PATJ: variants seen among roughly 807,000 people sequenced by gnomAD.
PATJ encodes inaD-like protein.
A neutral mutation model predicts 224.9 loss-of-function variants in PATJ; 190 were observed. The observed-to-expected ratio is 0.84, with a 90% confidence interval of 0.75 to 0.95. The LOEUF (loss-of-function observed/expected upper bound fraction) is 0.95, where lower values mean the gene tolerates loss of function less well. PATJ is among the 40% of genes least tolerant of loss of function. PATJ has a pLI of 0.00. For synonymous variants in PATJ, 769 were observed against 820.3 expected (o/e 0.94, Z 1.07); for missense variants, 2,121 against 2,270.3 (o/e 0.93, Z 1.34).
intron 14 of PATJ, among the ~76,000 whole-genome samples, chr1:61,822,554 A>G (rs939812996): frequency 2.0e-5 from 3 of 152,100 alleles, no homozygotes; most frequent in African/African-American, 7.2e-5. Flanking sequence ...GCTTCCTGCC[A>G]TGGTATTTAG....
chr1:62,045,779 TAGA>T (rs1417383784), intron 30 of PATJ, among the ~76,000 whole-genome samples: 1 of 152,268 alleles, frequency 6.6e-6, no homozygotes, highest in South Asian at 2.1e-4. Context: ...ACTCGTGCCT[TAGA>T]AATCACGCTG....
intron 21 of PATJ, among the ~76,000 whole-genome samples, chr1:61,880,612 T>G (rs183531842): frequency 1.0e-3 from 153 of 152,340 alleles, no homozygotes; most frequent in African/African-American, 3.4e-3. Context: ...TCCACAATCT[T>G]GATAAGAGCA....
At chr1:61,902,294 C>T (rs1032431130) in intron 24 of PATJ, among the ~76,000 whole-genome samples, 3 of 150,850 alleles carry the variant, frequency 2.0e-5, no homozygotes, top group Admixed American at 1.3e-4. Context: ...CATTTCTTTG[C>T]ATTGGGTTAA....
intron 26 of PATJ, among the ~76,000 whole-genome samples, chr1:61,921,148 C>T (rs1557878738): frequency 6.6e-6 from 1 of 152,106 alleles, no homozygotes. Context: ...ACAGATTTCA[C>T]CCCATTAGGA....
intron 31 of PATJ, chr1:62,073,449 T>C: frequency 2.8e-6 from 1 of 357,684 alleles, no homozygotes; most frequent in South Asian, 1.1e-4. Context: ...ATAGCAAGTC[T>C]GCTAAAAATA....
intron 27 of PATJ, among the ~76,000 whole-genome samples, chr1:61,984,161 A>T (rs1553231335): frequency 0.022 from 2,905 of 129,568 alleles, 117 homozygotes; most frequent in African/African-American, 0.075. Flanking sequence ...TATTATTATT[A>T]TTATTTTTTT....
At chr1:62,005,162 A>G (rs1226334399) in intron 28 of PATJ, among the ~76,000 whole-genome samples, 2 of 150,630 alleles carry the variant, frequency 1.3e-5, no homozygotes, top group East Asian at 3.9e-4. Flanking sequence ...TTTGAGACAT[A>G]GTTTCACCTG....
intron 28 of PATJ, among the ~76,000 whole-genome samples, chr1:62,008,928 C>T (rs1239625316): frequency 6.6e-6 from 1 of 152,050 alleles, no homozygotes; most frequent in Non-Finnish European, 1.5e-5. Flanking sequence ...GATAGTTCTT[C>T]CCACCATTGT....
chr1:62,159,340 C>A (rs570792890), intron 43 of PATJ, among the ~76,000 whole-genome samples: 1 of 151,750 alleles, frequency 6.6e-6, no homozygotes, highest in Non-Finnish European at 1.5e-5. Flanking sequence ...TACAGGCATG[C>A]GCCATCACAT....
intron 3 of PATJ, among the ~76,000 whole-genome samples, chr1:61,765,430 G>T (rs1264091065): frequency 6.6e-6 from 1 of 151,458 alleles, no homozygotes; most frequent in Non-Finnish European, 1.5e-5. Flanking sequence ...TGTCATCCAG[G>T]CTGAGTGCAG....
At chr1:62,064,450 A>G (rs1454737132) in intron 31 of PATJ, among the ~76,000 whole-genome samples, 2 of 151,466 alleles carry the variant, frequency 1.3e-5, no homozygotes, top group Non-Finnish European at 2.9e-5. Flanking sequence ...TGCCTCAGCC[A>G]CCTGAGTAGC....
intron 25 of PATJ, among the ~76,000 whole-genome samples, chr1:61,909,225 G>A (rs1888987): frequency 2.6e-5 from 4 of 152,032 alleles, no homozygotes; most frequent in African/African-American, 7.3e-5. Context: ...AGTGATCTGC[G>A]CACCTTGGCC....
At chr1:62,136,905 G>T (rs1187062892) in intron 41 of PATJ, among the ~76,000 whole-genome samples, 7 of 152,070 alleles carry the variant, frequency 4.6e-5, no homozygotes, top group Admixed American at 3.3e-4. Flanking sequence ...GAAAGGCTTG[G>T]GTCCTAATAA....
intron 41 of PATJ, among the ~76,000 whole-genome samples, chr1:62,131,005 C>T (rs1666206512): frequency 6.6e-6 from 1 of 152,068 alleles, no homozygotes; most frequent in South Asian, 2.1e-4. Flanking sequence ...TTTACTATCA[C>T]ACTAGTCTTT....
At chr1:61,918,368 C>T (rs1673769379) in intron 26 of PATJ, among the ~76,000 whole-genome samples, 1 of 142,312 alleles carries the variant, frequency 7.0e-6, no homozygotes, top group Non-Finnish European at 1.5e-5. Flanking sequence ...AGTGAAGTGG[C>T]ATGGCATCAG....
intron 42 of PATJ, among the ~76,000 whole-genome samples, chr1:62,150,680 A>G (rs1403671467): frequency 5.6e-5 from 1 of 17,800 alleles, no homozygotes; most frequent in South Asian, 1.2e-3. Context: ...CTGTCTCAAG[A>G]AAAAAAAAAA....
At chr1:61,769,614 G>C (rs1045225212) in intron 5 of PATJ, among the ~76,000 whole-genome samples, 192 bp downstream of exon 5, 1 of 152,086 alleles carries the variant, frequency 6.6e-6, no homozygotes, top group African/African-American at 2.4e-5. Context: ...CACTATATAG[G>C]TATCATCATT....
At chr1:62,077,292 G>C (rs1658458564) in intron 31 of PATJ, among the ~76,000 whole-genome samples, 1 of 152,128 alleles carries the variant, frequency 6.6e-6, no homozygotes, top group African/African-American at 2.4e-5. Context: ...TCTCAATGTT[G>C]TTTTCTTATA....
intron 41 of PATJ, among the ~76,000 whole-genome samples, chr1:62,144,797 A>G (rs1040331993): frequency 9.3e-6 from 1 of 107,702 alleles, no homozygotes; most frequent in Non-Finnish European, 1.8e-5. Context: ...TATATATATA[A>G]TTAGCAGAAT....
Sources: allele counts gnomAD v4.1 joint callset (sites outside exome capture counted in the v4.1 genomes callset), GRCh38; gene constraint gnomAD v4.1.1; transcripts MANE v1.5; gene names NCBI Gene and HGNC (gene_info 2026-07-23, HGNC 2026-07-21).